The following CCDC91 variants were observed in gnomAD, a reference collection of about 807,000 sequenced individuals.
CCDC91 encodes the protein coiled-coil domain containing 91.
CCDC91 carries 48 observed loss-of-function variants against 63.2 expected under a neutral mutation model. That is an observed-to-expected ratio of 0.76 (90% CI 0.60 to 0.97). The LOEUF (loss-of-function observed/expected upper bound fraction) is 0.97, where lower values mean the gene tolerates loss of function less well. CCDC91 is among the 50% of genes least tolerant of loss of function. The probability of loss-of-function intolerance (pLI) is 0.00; values close to 1 mark genes in which losing one functional copy is unlikely to be tolerated. For synonymous variants in CCDC91, 167 were observed against 165.8 expected (o/e 1.01, Z -0.06); for missense variants, 500 against 494.6 (o/e 1.01, Z -0.10).
intron 8 of CCDC91, among the ~76,000 whole-genome samples, chr12:28,416,347 A>G (rs966770192): frequency 1.3e-4 from 20 of 152,138 alleles, no homozygotes; most frequent in African/African-American, 4.6e-4. Flanking sequence ...GTGTGTATCA[A>G]AGGGTATAGA....
At chr12:28,371,700 G>A (rs918202065) in intron 7 of CCDC91, among the ~76,000 whole-genome samples, 1 of 152,152 alleles carries the variant, frequency 6.6e-6, no homozygotes, top group African/African-American at 2.4e-5. Context: ...TCCATGAATT[G>A]AACATTGTAT....
chr12:28,418,159 C>T (rs1273498937), intron 8 of CCDC91, among the ~76,000 whole-genome samples: 1 of 152,150 alleles, frequency 6.6e-6, no homozygotes, highest in East Asian at 1.9e-4. Context: ...TGTGGCTGTA[C>T]CATTTTGCAT....
intron 7 of CCDC91, among the ~76,000 whole-genome samples, chr12:28,367,413 T>C (rs1398994122): frequency 6.6e-6 from 1 of 152,098 alleles, no homozygotes; most frequent in Admixed American, 6.5e-5. Flanking sequence ...TCAGTAAATT[T>C]GAAAAAAATA....
At chr12:28,319,057 A>G (rs1193968169) in intron 6 of CCDC91, among the ~76,000 whole-genome samples, 1 of 151,976 alleles carries the variant, frequency 6.6e-6, no homozygotes, top group African/African-American at 2.4e-5. Context: ...TGCATCTTAG[A>G]CTTGACTCAG....
intron 3 of CCDC91, among the ~76,000 whole-genome samples, chr12:28,292,863 G>A (rs1949333894): frequency 6.6e-6 from 1 of 152,062 alleles, no homozygotes; most frequent in Non-Finnish European, 1.5e-5. Flanking sequence ...ACTCTAAAGT[G>A]AATAATTCTG....
At chr12:28,280,815 T>TAA (rs11369802) in intron 3 of CCDC91, among the ~76,000 whole-genome samples, 188 of 139,632 alleles carry the variant, frequency 1.3e-3, no homozygotes, top group Middle Eastern at 3.6e-3. Flanking sequence ...CGCGTTTCTT[T>TAA]AAAAAAAAAA....
Position 28,359,067 on chromosome 12 carries a change from T to C in CCDC91, c.577-3371T>C, listed in dbSNP as rs141493107. Among the ~76,000 whole-genome samples, 1,174 of 152,320 alleles carry C rather than the reference T, an allele frequency of 7.7e-3. 36 individuals carry two copies. Among genetic ancestry groups the C allele is most frequent in the East Asian group, 0.067 (346 of 5,188 alleles). ...TCCACCACCACGCCCAGCTAATTTT[T>C]GTATTTTTAGTAGAGACAGGGTTTC... On this transcript the variant is annotated intron_variant, in intron 6 of 12. Transcript: ENST00000536442.
chr12:28,360,424 T>C (rs1943801279), intron 6 of CCDC91, among the ~76,000 whole-genome samples: 1 of 152,180 alleles, frequency 6.6e-6, no homozygotes, highest in Non-Finnish European at 1.5e-5. Flanking sequence ...TCATTCACGG[T>C]GGGTCACAGG....
chr12:28,425,884 T>C (rs1025817682), intron 8 of CCDC91, among the ~76,000 whole-genome samples: 10 of 152,166 alleles, frequency 6.6e-5, no homozygotes, highest in African/African-American at 2.4e-4. Context: ...CACCAGGTGA[T>C]TGTGATGCAT....
intron 7 of CCDC91, among the ~76,000 whole-genome samples, chr12:28,387,869 G>A (rs1211299040): frequency 1.3e-5 from 2 of 152,010 alleles, no homozygotes; most frequent in Non-Finnish European, 1.5e-5. Context: ...TATCTTTTTC[G>A]TATAATGACT....
intron 12 of CCDC91, among the ~76,000 whole-genome samples, chr12:28,534,989 C>T (rs577996478): frequency 2.0e-5 from 3 of 152,234 alleles, no homozygotes; most frequent in East Asian, 1.9e-4. Context: ...TAAAAATATA[C>T]ATCAGTGTTT....
At chr12:28,337,819 T>G (rs1442939831) in intron 6 of CCDC91, among the ~76,000 whole-genome samples, 1 of 152,142 alleles carries the variant, frequency 6.6e-6, no homozygotes, top group East Asian at 1.9e-4. Flanking sequence ...TCTATTCCCA[T>G]TTTTTGAACA....
intron 6 of CCDC91, among the ~76,000 whole-genome samples, chr12:28,351,268 T>C (rs1441257904): frequency 6.6e-6 from 1 of 152,188 alleles, no homozygotes; most frequent in African/African-American, 2.4e-5. Context: ...GTCATCTGCT[T>C]TCAGAATACA....
At chr12:28,454,573 G>A (rs916121956) in intron 11 of CCDC91, among the ~76,000 whole-genome samples, 3 of 152,098 alleles carry the variant, frequency 2.0e-5, no homozygotes, top group African/African-American at 7.2e-5. Context: ...AGGAGAGTAG[G>A]CTATAACAAC....
In CCDC91 at chr12:28,451,827, A is replaced by G. The variant is rs1417758402; in HGVS notation, c.925-651A>G. 3.3e-5 allele frequency among the ~76,000 whole-genome samples: 5 copies of G among 151,764 alleles called. No individual in the cohort carries two copies. The East Asian group carries it at 5.8e-4, about 18-fold the overall frequency. Reference sequence around the variant, plus strand: ...TGTGAAATCATCAAGAATATCCACAATTATTTAAACTGGCTACTAAATACT... The same window carrying G: ...TGTGAAATCATCAAGAATATCCACAGTTATTTAAACTGGCTACTAAATACT... On this transcript the variant is annotated intron_variant, in intron 10 of 12. Coordinates refer to ENST00000536442, the MANE Select transcript of CCDC91 (RefSeq NM_018318.5).
Position 28,257,172 on chromosome 12 carries a change from G to A in CCDC91, c.-14-30G>A, listed in dbSNP as rs142339420. The A allele has an allele frequency of 5.2e-3, 7,489 of 1,451,666 alleles. 372 individuals are homozygous for A. In the Admixed American group the frequency reaches 0.1, roughly 19 times the overall value. 89.9% of individuals were successfully genotyped at this position (1,451,666 alleles called of 1,614,324 possible). On this transcript the variant is annotated intron_variant, in intron 1 of 12. Coordinates refer to ENST00000536442, the MANE Select transcript of CCDC91 (RefSeq NM_018318.5). ...TTGACATAAATGACTGTGTGTGTGC[G>A]GGCTTGTTTCAATATCTTATATTTT...
chr12:28,464,308 G>A lies in CCDC91; in HGVS notation c.1101+11654G>A, dbSNP rs554802005. Among the ~76,000 whole-genome samples the A allele has an allele frequency of 6.8e-4, 103 of 152,260 alleles. 2 individuals are homozygous for A. In the South Asian group the frequency reaches 0.014, roughly 21 times the overall value. ...TAGGTGAGTCTTAGCACAGAACCAG[G>A]CCAAAAGCCAGTGGAATGGCGGTGC... is the stretch of plus-strand genomic sequence containing the variant. On this transcript the variant is annotated intron_variant, in intron 11 of 12. Coordinates refer to ENST00000536442, the MANE Select transcript of CCDC91 (RefSeq NM_018318.5).
intron 6 of CCDC91, among the ~76,000 whole-genome samples, chr12:28,352,322 A>T (rs1430090299): frequency 6.6e-6 from 1 of 152,152 alleles, no homozygotes; most frequent in Non-Finnish European, 1.5e-5. Context: ...TGCTGCATCT[A>T]TTGACTCTTG....
chr12:28,222,613 C>T (rs1342833901), intron 1 of CCDC91, among the ~76,000 whole-genome samples: 2 of 152,038 alleles, frequency 1.3e-5, no homozygotes, highest in African/African-American at 4.8e-5. Flanking sequence ...AGTTGTTTTA[C>T]CATAGAATGA....
Sources: allele counts gnomAD v4.1 joint callset (sites outside exome capture counted in the v4.1 genomes callset), GRCh38; gene constraint gnomAD v4.1.1; transcripts MANE v1.5; gene names NCBI Gene and HGNC (gene_info 2026-07-23, HGNC 2026-07-21).